DOCK7: variants seen among roughly 807,000 people sequenced by gnomAD.
DOCK7 encodes the protein dedicator of cytokinesis protein 7.
DOCK7 carries 138 observed loss-of-function variants against 271.0 expected under a neutral mutation model. The observed-to-expected ratio is 0.51, with a 90% CI of 0.44 to 0.59. The LOEUF (loss-of-function observed/expected upper bound fraction) is 0.59. DOCK7 is among the 20% of genes least tolerant of loss of function. The pLI is 0.00. For synonymous variants in DOCK7, 823 were observed against 876.1 expected (o/e 0.94, Z 1.07); for missense variants, 2,066 against 2,592.4 (o/e 0.80, Z 4.41).
chr1:62,564,232 G>A (rs142808350), intron 18 of DOCK7, among the ~76,000 whole-genome samples: 79 of 152,130 alleles, frequency 5.2e-4, no homozygotes, highest in African/African-American at 1.9e-3. Context: ...AGACATCTAC[G>A]GAACTCTCCA....
intron 37 of DOCK7, among the ~76,000 whole-genome samples, chr1:62,501,549 G>GA (rs1202671186): frequency 6.6e-6 from 1 of 152,082 alleles, no homozygotes; most frequent in Non-Finnish European, 1.5e-5. Flanking sequence ...GGAGAGAAAA[G>GA]AAAATCAGCA....
intron 37 of DOCK7, among the ~76,000 whole-genome samples, chr1:62,502,020 CA>C (rs1291311730): frequency 1.3e-5 from 2 of 152,016 alleles, no homozygotes; most frequent in Middle Eastern, 3.4e-3. Flanking sequence ...ATTTATTCAG[CA>C]AAAGAAAGGA....
At chr1:62,510,428 T>G (rs1644449705) in intron 34 of DOCK7, 149 bp downstream of exon 34, 1 of 489,956 alleles carries the variant, frequency 2.0e-6, no homozygotes. Context: ...AATCTAAAAT[T>G]TTTAAATTAA....
chr1:62,538,072 A>G lies in DOCK7; in HGVS notation c.3301-11T>C. On this transcript the variant is annotated splice_polypyrimidine_tract_variant and intron_variant, in intron 27 of 49. Transcript: ENST00000635253. ...AAGCTTTGAAGACACCTTGTAAGCA[A>G]TGCATAAGTAAGAGAACACCAATTG... 1 of 1,608,204 alleles carries G rather than the reference A, an allele frequency of 6.2e-7. No homozygotes were observed. The highest frequency in any genetic ancestry group is 1.1e-5 in the South Asian group (1 of 90,116).
At chr1:62,612,228 G>A (rs1284660487) in intron 14 of DOCK7, among the ~76,000 whole-genome samples, 2 of 152,256 alleles carry the variant, frequency 1.3e-5, no homozygotes, top group East Asian at 3.9e-4. Context: ...ATGATAGGAT[G>A]TCTAGGCTTT....
chr1:62,671,972 A>T lies in DOCK7; in HGVS notation c.39-8842T>A, dbSNP rs867078112. On this transcript the variant is annotated intron_variant, in intron 1 of 49. Coordinates refer to ENST00000635253, the MANE Select transcript of DOCK7 (RefSeq NM_001367561.1). ...AGATTTTCCAAAATGAAGACAAAAAAAAAAAAACCTGATACAAGAAATCTT... is the reference window on the plus strand; with the variant it reads ...AGATTTTCCAAAATGAAGACAAAAATAAAAAAACCTGATACAAGAAATCTT... Among the ~76,000 whole-genome samples the T allele has an allele frequency of 5.4e-3, 827 of 151,882 alleles. 5 individuals carry two copies. Among genetic ancestry groups the T allele is most frequent in the Middle Eastern group, 0.037 (11 of 294 alleles).
intron 2 of DOCK7, among the ~76,000 whole-genome samples, chr1:62,655,430 T>TC (rs60286666): frequency 0.58 from 85,524 of 148,676 alleles, 26,227 homozygotes; most frequent in East Asian, 0.75. Context: ...CTTTTCTTTT[T>TC]TTTTTTTTTT....
In DOCK7 at chr1:62,571,127, G is replaced by A. The variant is rs143718950; in HGVS notation, c.2112+6135C>T. 3.8e-3 allele frequency among the ~76,000 whole-genome samples: 574 copies of A among 152,108 alleles called. 6 individuals are homozygous for A. The highest frequency in any genetic ancestry group is 0.013 in the African/African-American group (523 of 41,510). On this transcript the variant is annotated intron_variant, in intron 18 of 49. Transcript: ENST00000635253. ...ATCAGAGTGAACAGACAACCTACAC[G>A]ATGGGAGAGAAATTTTGCAACCTAT...
intron 1 of DOCK7, among the ~76,000 whole-genome samples, chr1:62,664,872 G>A (rs1659103292): frequency 6.6e-6 from 1 of 152,130 alleles, no homozygotes; most frequent in African/African-American, 2.4e-5. Context: ...CTGAAATCTG[G>A]AGAGAGAATG....
chr1:62,510,686 T>C lies in DOCK7; in HGVS notation c.4283-13A>G. 1 of 1,602,724 alleles carries C rather than the reference T, an allele frequency of 6.2e-7. No individual in the cohort carries two copies. Among genetic ancestry groups the C allele is most frequent in the Non-Finnish European group, 8.5e-7 (1 of 1,171,338 alleles). ...GATGGGCTTCTCTCTGTCAAATAAA[T>C]TTCAAAACCAATTTTCAAATGTTAT... On this transcript the variant is annotated splice_polypyrimidine_tract_variant and intron_variant, in intron 33 of 49. Transcript: ENST00000635253.
chr1:62,583,147 A>T, intron 16 of DOCK7, 37 bp downstream of exon 16: 1 of 1,531,544 alleles, frequency 6.5e-7, no homozygotes, highest in African/African-American at 1.4e-5. Flanking sequence ...GCCACTGAGA[A>T]GTGAGTAACT....
At chr1:62,631,515 G>A (rs1409630351) in intron 10 of DOCK7, 110 bp from the exon 11 acceptor site, 1 of 977,690 alleles carries the variant, frequency 1.0e-6, no homozygotes, top group African/African-American at 1.7e-5. Flanking sequence ...TCTCAGCAGA[G>A]ATGAGAAAAA....
chr1:62,515,873 A>T (rs1644647283), intron 31 of DOCK7, among the ~76,000 whole-genome samples: 1 of 152,230 alleles, frequency 6.6e-6, no homozygotes, highest in Non-Finnish European at 1.5e-5. Context: ...TGATTTTGGC[A>T]TATTTTTGGC....
intron 10 of DOCK7, among the ~76,000 whole-genome samples, chr1:62,632,863 G>C (rs1654795279): frequency 6.6e-6 from 1 of 152,048 alleles, no homozygotes; most frequent in Non-Finnish European, 1.5e-5. Context: ...TGTAATTTGA[G>C]CTGCTTGGGA....
At chr1:62,611,371 T>G (rs907887172) in intron 14 of DOCK7, among the ~76,000 whole-genome samples, 4 of 152,242 alleles carry the variant, frequency 2.6e-5, no homozygotes, top group African/African-American at 9.6e-5. Context: ...GTTTTGGATT[T>G]TGGAATATCT....
At chr1:62,541,808 A>G (rs1645543574) in intron 25 of DOCK7, among the ~76,000 whole-genome samples, 1 of 152,160 alleles carries the variant, frequency 6.6e-6, no homozygotes, top group African/African-American at 2.4e-5. Flanking sequence ...GTTCATATAT[A>G]TGTATTTATT....
chr1:62,641,065 G>C, intron 7 of DOCK7: 1 of 187,068 alleles, frequency 5.3e-6, no homozygotes, highest in South Asian at 1.0e-4. Context: ...GGGCAGCAGT[G>C]AAAGAAGGGC....
At chr1:62,642,498 A>G (rs1656159928) in intron 7 of DOCK7, among the ~76,000 whole-genome samples, 1 of 152,090 alleles carries the variant, frequency 6.6e-6, no homozygotes, top group African/African-American at 2.4e-5. Context: ...TCCTTTGCCT[A>G]TAATTTACAT....
intron 1 of DOCK7, among the ~76,000 whole-genome samples, chr1:62,686,013 T>C (rs1338634114): frequency 6.6e-6 from 1 of 152,206 alleles, no homozygotes; most frequent in East Asian, 1.9e-4. Context: ...TCCTATCCCA[T>C]CTGGTGGCGA....
Sources: gnomAD v4.1 joint callset for allele counts (sites outside exome capture counted in the v4.1 genomes callset) on GRCh38, gnomAD v4.1.1 for gene constraint, MANE v1.5 for transcripts, NCBI Gene and HGNC (gene_info 2026-07-23, HGNC 2026-07-21) for gene names.